The following PDE1C variants were observed in gnomAD, a reference collection of about 807,000 sequenced individuals.
PDE1C encodes the protein dual specificity calcium/calmodulin-dependent 3',5'-cyclic nucleotide phosphodiesterase 1C.
In PDE1C, 62 loss-of-function variants were observed where a neutral mutation model predicts 93.1. That is an observed-to-expected ratio of 0.67 (90% CI 0.54 to 0.82). PDE1C has a LOEUF of 0.82. Ranked by LOEUF, PDE1C falls within the 40% of genes least tolerant of loss-of-function variation. The pLI is 0.00. For missense variants in PDE1C, 742 were observed against 884.6 expected (o/e 0.84, Z 2.04); for synonymous variants, 325 against 310.1 (o/e 1.05, Z -0.50).
At chr7:31,711,043 C>T in the PDE1C span, among the ~76,000 whole-genome samples, 1 of 152,178 alleles carries the variant, frequency 6.6e-6, no homozygotes, top group Admixed American at 6.5e-5. Context: ...GTAGCAGGTC[C>T]TTCCAGCAAG....
At chr7:32,244,106 T>G (rs1182195095) in intron 1 of PDE1C, among the ~76,000 whole-genome samples, 1 of 152,104 alleles carries the variant, frequency 6.6e-6, no homozygotes, top group East Asian at 1.9e-4. Flanking sequence ...AAGCCAGAAA[T>G]GAAGGCAGCA....
At chr7:32,214,831 C>G (rs1180918009) in intron 1 of PDE1C, among the ~76,000 whole-genome samples, 8 of 152,144 alleles carry the variant, frequency 5.3e-5, no homozygotes, top group Non-Finnish European at 1.2e-4. Flanking sequence ...GGATTGAGCA[C>G]CACCTGGGCG....
chr7:31,987,863 C>T (rs1783620149), intron 2 of PDE1C, among the ~76,000 whole-genome samples: 1 of 152,148 alleles, frequency 6.6e-6, no homozygotes, highest in Non-Finnish European at 1.5e-5. Context: ...GTAGAAAGTG[C>T]TATGTGTCTG....
At chr7:31,771,256 T>C (rs1308472209) in intron 17 of PDE1C, among the ~76,000 whole-genome samples, 4 of 152,232 alleles carry the variant, frequency 2.6e-5, no homozygotes, top group African/African-American at 9.6e-5. Flanking sequence ...CTTTGCTTTC[T>C]AACCTGCACT....
chr7:31,887,982 G>T (rs1436179418), intron 2 of PDE1C, among the ~76,000 whole-genome samples: 1 of 152,052 alleles, frequency 6.6e-6, no homozygotes, highest in Non-Finnish European at 1.5e-5. Flanking sequence ...TATTAGAAAA[G>T]GAGAAGTCTA....
chr7:32,347,354 A>G (rs62456271), intron 1 of PDE1C, among the ~76,000 whole-genome samples: 25,409 of 152,242 alleles, frequency 0.17, 2,719 homozygotes, highest in South Asian at 0.44. Flanking sequence ...TTGACCTCTC[A>G]GTCTTTATAG....
At chr7:31,935,257 A>C (rs534709510) in intron 2 of PDE1C, among the ~76,000 whole-genome samples, 1 of 152,270 alleles carries the variant, frequency 6.6e-6, no homozygotes, top group African/African-American at 2.4e-5. Context: ...CCTTTGTTCA[A>C]CTGAAATCAG....
chr7:32,095,129 A>G (rs1797681237), intron 3 of PDE1C, among the ~76,000 whole-genome samples: 1 of 152,240 alleles, frequency 6.6e-6, no homozygotes, highest in South Asian at 2.1e-4. Flanking sequence ...TCTAGAATAT[A>G]TAGGAAATTT....
At chr7:31,695,543 A>G in the PDE1C span, 4 of 1,613,790 alleles carry the variant, frequency 2.5e-6, no homozygotes, top group Non-Finnish European at 2.5e-6. Context: ...TGTACAGGCC[A>G]CCCTGAATGT....
chr7:32,401,972 T>C (rs766082176), intron 1 of PDE1C, among the ~76,000 whole-genome samples: 54 of 152,210 alleles, frequency 3.5e-4, no homozygotes, highest in Non-Finnish European at 7.2e-4. Context: ...CTTCCATTTA[T>C]CAAGGACTTA....
the PDE1C span, among the ~76,000 whole-genome samples, chr7:31,743,766 A>T: frequency 6.6e-6 from 1 of 152,222 alleles, no homozygotes; most frequent in Non-Finnish European, 1.5e-5. Context: ...CTCATACAGT[A>T]GTAACTCCCA....
At chr7:32,422,307 T>C (rs73309844) in intron 1 of PDE1C, among the ~76,000 whole-genome samples, 4,682 of 152,278 alleles carry the variant, frequency 0.031, 142 homozygotes, top group East Asian at 0.11. Flanking sequence ...ATTTTTTGAG[T>C]TAATCTTTGT....
the PDE1C span, among the ~76,000 whole-genome samples, chr7:31,732,012 G>A: frequency 5.3e-5 from 8 of 152,194 alleles, no homozygotes; most frequent in African/African-American, 1.9e-4. Context: ...AACCCAGATG[G>A]ATTGCTTCCC....
At chr7:32,406,721 T>C (rs148880406) in intron 1 of PDE1C, among the ~76,000 whole-genome samples, 1 of 152,258 alleles carries the variant, frequency 6.6e-6, no homozygotes, top group Admixed American at 6.5e-5. Flanking sequence ...GGGAGATACA[T>C]TCTCCAGTCC....
intron 1 of PDE1C, among the ~76,000 whole-genome samples, chr7:32,310,531 A>G (rs1008828628): frequency 3.9e-5 from 6 of 152,344 alleles, no homozygotes; most frequent in African/African-American, 1.2e-4. Context: ...ATGTAAAAGA[A>G]CAGAAATTAT....
intron 3 of PDE1C, among the ~76,000 whole-genome samples, chr7:32,150,291 G>A (rs1801161476): frequency 6.6e-6 from 1 of 152,170 alleles, no homozygotes; most frequent in Non-Finnish European, 1.5e-5. Context: ...CTGTGTAAGA[G>A]AGTCAGCCAC....
At chr7:31,815,879 A>G in intron 15 of PDE1C, 45 bp downstream of exon 15, 1 of 1,398,244 alleles carries the variant, frequency 7.2e-7, no homozygotes, top group East Asian at 2.3e-5. Context: ...TCATTATGTC[A>G]TTAATGCCGC....
In PDE1C at chr7:31,775,700, G is replaced by C; in HGVS notation, c.1924C>G (p.Pro642Ala). Residue 642 changes from proline (P) to alanine (A), a missense_variant, in exon 17 of 18, where the codon CCA becomes GCA. Pro to Ala is a conservative substitution (Grantham distance 27). This residue lies in a region of PDE1C where 454 missense variants were observed against 459.4 expected (regional missense o/e 0.99). Coordinates refer to ENST00000396191, the MANE Select transcript of PDE1C (RefSeq NM_001191057.4). ...TKQRSHGSPA[P>A]STSSTCRLTL... ...AGGCGACACGTGGAGCTGGTGCTTG[G>C]GGCTGGTGAGCCGTGAGAACGCTGT... The C allele has an allele frequency of 3.7e-6, 6 of 1,612,874 alleles. No homozygotes were observed. The highest frequency in any genetic ancestry group is 4.2e-6 in the Non-Finnish European group (5 of 1,179,880).
Position 31,982,528 on chromosome 7 carries a change from C to T in PDE1C, c.128+69026G>A, listed in dbSNP as rs541349118. Reference sequence around the variant, plus strand: ...ATCAACAACACTAATAGGGAAGGTTCTATGATTTTTTTAATTTCCTCTTTT... The same window carrying T: ...ATCAACAACACTAATAGGGAAGGTTTTATGATTTTTTTAATTTCCTCTTTT... On this transcript the variant is annotated intron_variant, in intron 2 of 17. Transcript: ENST00000396191. 9.7e-4 allele frequency among the ~76,000 whole-genome samples: 147 copies of T among 152,060 alleles called. 4 individuals carry two copies. The highest frequency in any genetic ancestry group is 9.3e-3 in the Admixed American group (142 of 15,260).
Sources: gnomAD v4.1 joint callset for allele counts (sites outside exome capture counted in the v4.1 genomes callset) on GRCh38, gnomAD v4.1.1 for gene constraint, gnomAD v4.1.1 regional missense constraint, MANE v1.5 for transcripts, NCBI Gene and HGNC (gene_info 2026-07-23, HGNC 2026-07-21) for gene names.